Variants in ZNF83 observed in about 807,000 individuals in gnomAD.
ZNF83 encodes the protein zinc finger protein 816B.
For missense variants in ZNF83, 552 were observed against 629.9 expected, an observed-to-expected ratio of 0.88 and a Z score of 1.32; for synonymous variants, 209 against 213.0, an observed-to-expected ratio of 0.98 and a Z score of 0.17.
At chr19:52,620,143 CTA>C (rs2060481054) in intron 2 of ZNF83, among the ~76,000 whole-genome samples, 1 of 152,008 alleles carries the variant, frequency 6.6e-6, no homozygotes, top group African/African-American at 2.4e-5. Flanking sequence ...TCACAAAAAA[CTA>C]GAGTTGAATG....
intron 1 of ZNF83, among the ~76,000 whole-genome samples, chr19:52,677,151 A>T (rs942810632): frequency 1.3e-4 from 19 of 151,830 alleles, no homozygotes; most frequent in Non-Finnish European, 1.5e-4. Context: ...AAAGAAAAAA[A>T]AATAAAGGAA....
At chr19:52,612,886 T>C (rs1223063356) in exon 3 of ZNF83, 1 of 749,198 alleles carries the variant, frequency 1.3e-6, no homozygotes, top group Non-Finnish European at 2.1e-6. Context: ...ATGGTCTAGC[T>C]AACGGTTATT....
exon 3 of ZNF83, chr19:52,613,983 T>G (rs144975187): frequency 2.8e-4 from 448 of 1,613,416 alleles, no homozygotes; most frequent in Non-Finnish European, 3.6e-4. Flanking sequence ...TTCTTTGATG[T>G]TGTGCAAGGT....
intron 2 of ZNF83, among the ~76,000 whole-genome samples, chr19:52,620,126 C>T (rs191447097): frequency 7.2e-5 from 11 of 152,156 alleles, no homozygotes; most frequent in South Asian, 4.2e-4. Flanking sequence ...ATAAAATTTA[C>T]GCAGACTCAC....
chr19:52,639,078 G>A (rs993032176), upstream of ZNF83, among the ~76,000 whole-genome samples: 5 of 152,126 alleles, frequency 3.3e-5, no homozygotes, highest in Admixed American at 2.6e-4. Context: ...TTGTCCCAGC[G>A]TATTTGTGTA....
intron 2 of ZNF83, among the ~76,000 whole-genome samples, chr19:52,628,858 A>G (rs898662293): frequency 6.7e-6 from 1 of 150,044 alleles, no homozygotes; most frequent in African/African-American, 2.5e-5. Flanking sequence ...AACCTCATAT[A>G]TCTCTGTGCC....
At chr19:52,630,692 T>TG (rs1255659208) in intron 2 of ZNF83, among the ~76,000 whole-genome samples, 13 of 152,162 alleles carry the variant, frequency 8.5e-5, no homozygotes, top group African/African-American at 3.1e-4. Context: ...ACTCCTTCCC[T>TG]GGCAACTGCT....
intron 1 of ZNF83, among the ~76,000 whole-genome samples, chr19:52,667,167 A>G (rs1209273651): frequency 6.6e-6 from 1 of 150,948 alleles, no homozygotes; most frequent in Admixed American, 6.6e-5. Flanking sequence ...GACCTTAGGC[A>G]GTCTAGTTCA....
chr19:52,623,542 T>C (rs1265035530), intron 2 of ZNF83, among the ~76,000 whole-genome samples: 1 of 152,164 alleles, frequency 6.6e-6, no homozygotes, highest in Non-Finnish European at 1.5e-5. Flanking sequence ...CCTGCTTCCC[T>C]GACTATTCCT....
At chr19:52,630,500 T>C (rs532909440) in intron 2 of ZNF83, among the ~76,000 whole-genome samples, 8 of 152,278 alleles carry the variant, frequency 5.3e-5, no homozygotes, top group East Asian at 1.9e-4. Flanking sequence ...CACTCTTTTT[T>C]AGTTATCCCC....
At chr19:52,654,208 A>T in intron 3 of ZNF83, 1 of 1,591,586 alleles carries the variant, frequency 6.3e-7, no homozygotes, top group Middle Eastern at 1.7e-4. Context: ...GATTTTTGTC[A>T]TGGGTGCTTC....
intron 1 of ZNF83, 129 bp from the exon 2 acceptor site, chr19:52,635,282 A>G (rs2061108455): frequency 2.2e-6 from 1 of 460,768 alleles, no homozygotes; most frequent in African/African-American, 2.0e-5. Context: ...TGCACCAGAG[A>G]CGATAAACTC....
rs113702266 is a variant in ZNF83, at chr19:52,648,958, C to T, written c.-74+6603G>A. Among the ~76,000 whole-genome samples the T allele has an allele frequency of 9.3e-3, 1,417 of 152,262 alleles. 24 individuals are homozygous for T. Among genetic ancestry groups the T allele is most frequent in the African/African-American group, 0.031 (1,299 of 41,540 alleles). On this transcript the variant is annotated intron_variant, in intron 3 of 5. Transcript: ENST00000594682. Reference sequence around the variant, plus strand: ...TCCACCTCCACCCTCTAACCAGGCCCAGCTTCCAAAGCAGCCTCCACCCTC... The same window carrying T: ...TCCACCTCCACCCTCTAACCAGGCCTAGCTTCCAAAGCAGCCTCCACCCTC...
chr19:52,654,302 T>G, intron 3 of ZNF83: 1 of 1,512,310 alleles, frequency 6.6e-7, no homozygotes, highest in Non-Finnish European at 9.2e-7. Context: ...AAATCTCCAA[T>G]GTGATGACTT....
chr19:52,671,766 C>A (rs1169760290), intron 1 of ZNF83, among the ~76,000 whole-genome samples: 1 of 152,124 alleles, frequency 6.6e-6, no homozygotes, highest in African/African-American at 2.4e-5. Flanking sequence ...TAGGTGTTTT[C>A]TTTGTTATTC....
chr19:52,652,701 G>T, intron 3 of ZNF83: 1 of 639,382 alleles, frequency 1.6e-6, no homozygotes, highest in Admixed American at 2.1e-5. Flanking sequence ...CATTACTGAG[G>T]ACTTTGTGAG....
chr19:52,614,399 G>T (rs772219495), exon 3 of ZNF83: 2 of 1,613,462 alleles, frequency 1.2e-6, no homozygotes, highest in Non-Finnish European at 8.5e-7. Flanking sequence ...ATACGTTGGG[G>T]TGGGGAAACT....
chr19:52,689,140 C>T (rs545369195), intron 1 of ZNF83, among the ~76,000 whole-genome samples: 4 of 152,296 alleles, frequency 2.6e-5, no homozygotes, highest in African/African-American at 9.6e-5. Context: ...CAACCTGTCA[C>T]TGTATAATTA....
rs548396990 is a variant in ZNF83 at position 52,668,444 on chromosome 19, T to C, written c.-282-7601A>G. 1.1e-4 allele frequency among the ~76,000 whole-genome samples: 16 copies of C among 152,274 alleles called. No homozygotes were observed. The East Asian group carries it at 3.1e-3, about 29-fold the overall frequency. ...TTATATCCATTACTATTCCTACCAC[T>C]AGCAACTCTAACCCAACTTTAGAGC... On this transcript the variant is annotated intron_variant, in intron 1 of 5. Coordinates refer to the ZNF83 transcript ENST00000594682.
Sources: allele counts gnomAD v4.1 joint callset (sites outside exome capture counted in the v4.1 genomes callset), GRCh38; gene constraint gnomAD v4.1.1; transcripts MANE v1.5; gene names NCBI Gene and HGNC (gene_info 2026-07-23, HGNC 2026-07-21).